The following KCNIP1 variants were observed in gnomAD, a reference collection of about 807,000 sequenced individuals.
KCNIP1 encodes A-type potassium channel modulatory protein KCNIP1.
Under a neutral mutation model 33.0 loss-of-function variants are expected in KCNIP1, and 18 were observed. The observed-to-expected ratio is 0.55, with a 90% CI of 0.38 to 0.81. KCNIP1 has a LOEUF of 0.81. Among genes scored for constraint, KCNIP1 ranks in the 30% least tolerant of loss-of-function variants. The pLI, the probability that KCNIP1 is intolerant of heterozygous loss-of-function variation, is 0.00. For missense variants in KCNIP1, 238 were observed against 271.6 expected, an observed-to-expected ratio of 0.88 and a Z score of 0.87; for synonymous variants, 93 against 98.3, an observed-to-expected ratio of 0.95 and a Z score of 0.32.
chr5:170,358,562 C>A (rs1470847009), intron 1 of KCNIP1, among the ~76,000 whole-genome samples: 2 of 152,202 alleles, frequency 1.3e-5, no homozygotes, highest in African/African-American at 2.4e-5. Context: ...CCACCCCAAG[C>A]CAAGGCTCCC....
At chr5:170,717,975 G>A (rs1334308978) in intron 1 of KCNIP1, among the ~76,000 whole-genome samples, 1 of 152,204 alleles carries the variant, frequency 6.6e-6, no homozygotes, top group Non-Finnish European at 1.5e-5. Context: ...ATGGTAAAAC[G>A]TTGAAAATTC....
At chr5:170,487,609 C>T (rs954309143) in intron 1 of KCNIP1, among the ~76,000 whole-genome samples, 2 of 151,730 alleles carry the variant, frequency 1.3e-5, no homozygotes, top group Admixed American at 6.6e-5. Flanking sequence ...ATAACCTCCA[C>T]CTCCTCAGTT....
In KCNIP1 at chr5:170,682,796, T is replaced by TTC. The variant is rs1762402652; in HGVS notation, c.62-35961_62-35960insCT. Among the ~76,000 whole-genome samples the TTC allele has an allele frequency of 2.2e-5, 3 of 136,444 alleles. No homozygotes were observed. In the Admixed American group the frequency reaches 2.2e-4, roughly 10 times the overall value. 89.5% of individuals were successfully genotyped at this position (136,444 alleles called of 152,430 possible). On this transcript the variant is annotated intron_variant, in intron 1 of 7. Transcript: ENST00000328939. ...ATTTTCTTTGTTTCTTTTTTTTTTT[T>TTC]TTTTTTTTTTTTTGATGAGACAGGG... is the stretch of plus-strand genomic sequence containing the variant.
chr5:170,680,996 G>C (rs1473850125), intron 1 of KCNIP1: 6 of 399,094 alleles, frequency 1.5e-5, no homozygotes, highest in Non-Finnish European at 2.2e-5. Context: ...AGCAGGAAGG[G>C]AGGCTTGGAA....
chr5:170,721,908 G>A lies in KCNIP1; in HGVS notation c.327+5G>A, dbSNP rs1379124515. 3.1e-6 allele frequency: 5 copies of A among 1,614,048 alleles called. No homozygotes were observed. The highest frequency in any genetic ancestry group is 3.4e-6 in the Non-Finnish European group (4 of 1,179,992). The stretch of plus-strand genomic sequence containing the variant: ...ACAGGCTCCGTGAAGTTCGAGGTAC[G>A]CTCATCTGGGGTCCACTCTAGGGGT... On this transcript the variant is annotated splice_donor_5th_base_variant and intron_variant, in intron 4 of 7. Coordinates refer to ENST00000328939, the MANE Select transcript of KCNIP1 (RefSeq NM_014592.4).
At chr5:170,360,767 G>A (rs1176731873) in intron 1 of KCNIP1, among the ~76,000 whole-genome samples, 1 of 152,232 alleles carries the variant, frequency 6.6e-6, no homozygotes. Context: ...CCCTGTGAAA[G>A]CGTTCACCAC....
intron 1 of KCNIP1, among the ~76,000 whole-genome samples, chr5:170,355,216 C>G (rs1763313721): frequency 6.6e-6 from 1 of 152,142 alleles, no homozygotes. Context: ...GGCTGAGCCC[C>G]CAATGTGGAG....
At chr5:170,519,832 C>T (rs762127750) in intron 1 of KCNIP1, among the ~76,000 whole-genome samples, 9 of 152,180 alleles carry the variant, frequency 5.9e-5, no homozygotes, top group Admixed American at 6.5e-5. Flanking sequence ...GCAAGCCCTC[C>T]GCAGAGGGAG....
intron 1 of KCNIP1, among the ~76,000 whole-genome samples, chr5:170,365,561 T>G (rs1443416077): frequency 6.6e-6 from 1 of 152,200 alleles, no homozygotes. Flanking sequence ...TCCAGTGTGC[T>G]CTGCTCCATT....
At chr5:170,529,863 T>C (rs1429111591) in intron 1 of KCNIP1, among the ~76,000 whole-genome samples, 1 of 152,250 alleles carries the variant, frequency 6.6e-6, no homozygotes, top group Non-Finnish European at 1.5e-5. Flanking sequence ...TCAAGCAATA[T>C]GGTCTTCCCC....
intron 1 of KCNIP1, among the ~76,000 whole-genome samples, chr5:170,494,521 G>C (rs963710761): frequency 1.3e-5 from 2 of 152,156 alleles, no homozygotes; most frequent in Non-Finnish European, 2.9e-5. Context: ...GGTGCTCTTG[G>C]GGGCCCAGGT....
chr5:170,597,841 A>AAGAC, intron 1 of KCNIP1, among the ~76,000 whole-genome samples: 1 of 144,578 alleles, frequency 6.9e-6, no homozygotes, highest in Non-Finnish European at 1.5e-5. Flanking sequence ...GAAAGAAAGA[A>AAGAC]AGAAAAGAGA....
At chr5:170,386,920 C>G (rs1764498018) in intron 1 of KCNIP1, among the ~76,000 whole-genome samples, 1 of 152,002 alleles carries the variant, frequency 6.6e-6, no homozygotes, top group African/African-American at 2.4e-5. Context: ...AAGATTCCAC[C>G]CTCCCCTGCT....
At position 170,720,317 on chromosome 5, in the gene KCNIP1, A is replaced by G. The variant is rs1320806526; in HGVS notation, c.187-4A>G. ...CTCCCGCTGACTCTCTCCCCTTCCCACAGGAGTGCCCCAGTGGTGTGGTCA... is the reference window on the plus strand; with the variant it reads ...CTCCCGCTGACTCTCTCCCCTTCCCGCAGGAGTGCCCCAGTGGTGTGGTCA... On this transcript the variant is annotated splice_region_variant and splice_polypyrimidine_tract_variant and intron_variant, in intron 2 of 7. Coordinates refer to ENST00000328939, the MANE Select transcript of KCNIP1 (RefSeq NM_014592.4). 6.2e-7 allele frequency: 1 copy of G among 1,613,090 alleles called. No individual in the cohort carries two copies. The highest frequency in any genetic ancestry group is 2.2e-5 in the East Asian group (1 of 44,848).
At chr5:170,538,361 A>C (rs1337230720) in intron 1 of KCNIP1, among the ~76,000 whole-genome samples, 1 of 152,126 alleles carries the variant, frequency 6.6e-6, no homozygotes, top group Non-Finnish European at 1.5e-5. Context: ...TGGATGGTAA[A>C]TATTCTATTA....
At chr5:170,636,287 C>T (rs1399139244) in intron 1 of KCNIP1, among the ~76,000 whole-genome samples, 1 of 151,948 alleles carries the variant, frequency 6.6e-6, no homozygotes, top group Non-Finnish European at 1.5e-5. Context: ...GAATGAGAGT[C>T]GAAAGAGAAG....
Position 170,725,110 on chromosome 5 carries a change from C to G in KCNIP1, c.435+2290C>G, listed in dbSNP as rs368636455. Among the ~76,000 whole-genome samples the G allele has an allele frequency of 8.5e-5, 13 of 152,148 alleles. No individual in the cohort carries two copies. The East Asian group carries it at 1.9e-3, about 23-fold the overall frequency. On this transcript the variant is annotated intron_variant, in intron 5 of 7. Coordinates refer to ENST00000328939, the MANE Select transcript of KCNIP1 (RefSeq NM_014592.4). The stretch of plus-strand genomic sequence containing the variant: ...AGGATAGACATATAGATCAATGGAT[C>G]AAAATAGAGAGTCAAAAAAACTAAA...
chr5:170,651,214 G>A (rs1290863325), intron 1 of KCNIP1, among the ~76,000 whole-genome samples: 1 of 152,174 alleles, frequency 6.6e-6, no homozygotes, highest in African/African-American at 2.4e-5. Flanking sequence ...AACTAGACAA[G>A]TCACCAAGAG....
intron 1 of KCNIP1, among the ~76,000 whole-genome samples, chr5:170,606,631 G>T (rs1758930636): frequency 6.6e-6 from 1 of 152,136 alleles, no homozygotes; most frequent in African/African-American, 2.4e-5. Flanking sequence ...TGGGCAGTTT[G>T]GGACCCGGGA....
Sources: allele counts gnomAD v4.1 joint callset (sites outside exome capture counted in the v4.1 genomes callset), GRCh38; gene constraint gnomAD v4.1.1; transcripts MANE v1.5; gene names NCBI Gene and HGNC (gene_info 2026-07-23, HGNC 2026-07-21).